LOC128462377: variants seen among roughly 807,000 people sequenced by gnomAD.
At chr16:89,377,663 G>C in the LOC128462377 span, among the ~76,000 whole-genome samples, 2 of 152,146 alleles carry the variant, frequency 1.3e-5, no homozygotes, top group Non-Finnish European at 2.9e-5. Context: ...CTCCTGCAGA[G>C]GGGAGGGGTT....
the LOC128462377 span, among the ~76,000 whole-genome samples, chr16:89,337,812 G>A: frequency 7.4e-4 from 113 of 152,210 alleles, no homozygotes; most frequent in African/African-American, 2.4e-3. Flanking sequence ...TGCCCAAGTC[G>A]CACGAGCAAG....
the LOC128462377 span, among the ~76,000 whole-genome samples, chr16:89,401,983 G>C: frequency 2.0e-5 from 3 of 147,256 alleles, no homozygotes; most frequent in Non-Finnish European, 3.0e-5. Flanking sequence ...CGGCCCTGCA[G>C]ACAGCTTGGT....
the LOC128462377 span, among the ~76,000 whole-genome samples, chr16:89,415,829 CAAAAAAAAA>C: frequency 3.3e-4 from 13 of 39,742 alleles, no homozygotes; most frequent in Non-Finnish European, 5.2e-4. Context: ...GACTCTGTCT[CAAAAAAAAA>C]AAAAAAAAAA....
At chr16:89,378,215 G>GTA in the LOC128462377 span, among the ~76,000 whole-genome samples, 1 of 152,146 alleles carries the variant, frequency 6.6e-6, no homozygotes, top group Admixed American at 6.6e-5. Context: ...AAAGTGCTTT[G>GTA]TATATGTCAG....
At chr16:89,375,151 G>A in the LOC128462377 span, among the ~76,000 whole-genome samples, 7 of 152,180 alleles carry the variant, frequency 4.6e-5, no homozygotes, top group South Asian at 1.5e-3. Context: ...CACACTGCAC[G>A]CTGTAATGAT....
At chr16:89,396,033 G>C in the LOC128462377 span, 1 of 152,220 alleles carries the variant, frequency 6.6e-6, no homozygotes. Flanking sequence ...AACTCTGGTT[G>C]TTCGGACATG....
At chr16:89,394,831 T>C in the LOC128462377 span, among the ~76,000 whole-genome samples, 1 of 152,146 alleles carries the variant, frequency 6.6e-6, no homozygotes, top group Non-Finnish European at 1.5e-5. Context: ...TATTGAGTTA[T>C]TTTTCAAACG....
At chr16:89,346,248 A>T in the LOC128462377 span, among the ~76,000 whole-genome samples, 1 of 103,404 alleles carries the variant, frequency 9.7e-6, no homozygotes, top group Admixed American at 9.3e-5. Flanking sequence ...ACCCCGTCTC[A>T]GGAAAAAAAA....
the LOC128462377 span, among the ~76,000 whole-genome samples, chr16:89,406,086 G>A: frequency 6.7e-6 from 1 of 149,046 alleles, no homozygotes; most frequent in South Asian, 2.1e-4. Context: ...CTCCAGCCTG[G>A]GTGACAAAGG....
At chr16:89,366,040 T>A in the LOC128462377 span, among the ~76,000 whole-genome samples, 1 of 150,340 alleles carries the variant, frequency 6.7e-6, no homozygotes, top group Non-Finnish European at 1.5e-5. Context: ...AGACATGATC[T>A]GATCACTTGA....
chr16:89,361,573 G>A, the LOC128462377 span: 1 of 152,250 alleles, frequency 6.6e-6, no homozygotes, highest in Non-Finnish European at 1.5e-5. Context: ...CGCATCACCA[G>A]AAGGCTCTGC....
At chr16:89,355,867 T>C in the LOC128462377 span, among the ~76,000 whole-genome samples, 12 of 151,834 alleles carry the variant, frequency 7.9e-5, no homozygotes, top group East Asian at 2.1e-3. Context: ...GAGTGACCGA[T>C]GAGATAAACA....
the LOC128462377 span, among the ~76,000 whole-genome samples, chr16:89,363,753 C>G: frequency 2.0e-5 from 3 of 152,160 alleles, no homozygotes; most frequent in African/African-American, 4.8e-5. Flanking sequence ...CCTGCAGGTT[C>G]CAGTCAGGAA....
the LOC128462377 span, among the ~76,000 whole-genome samples, chr16:89,391,010 C>T: frequency 3.9e-5 from 6 of 152,000 alleles, no homozygotes; most frequent in East Asian, 1.9e-4. Flanking sequence ...GGGTGGATCA[C>T]GAGGTCAGGA....
the LOC128462377 span, among the ~76,000 whole-genome samples, chr16:89,370,001 G>GC: frequency 6.6e-6 from 1 of 152,168 alleles, no homozygotes; most frequent in African/African-American, 2.4e-5. Context: ...TGGGGGCCTG[G>GC]CCCCTTCAGG....
At chr16:89,375,474 T>C in the LOC128462377 span, among the ~76,000 whole-genome samples, 1 of 152,064 alleles carries the variant, frequency 6.6e-6, no homozygotes, top group East Asian at 1.9e-4. Context: ...CTTTTTTTTT[T>C]TGGAGATGGA....
At chr16:89,413,952 C>T in the LOC128462377 span, among the ~76,000 whole-genome samples, 5 of 152,156 alleles carry the variant, frequency 3.3e-5, no homozygotes, top group Non-Finnish European at 7.4e-5. Context: ...CAGACAGGGA[C>T]CCCAGCACAG....
chr16:89,392,051 C>G, the LOC128462377 span, among the ~76,000 whole-genome samples: 685 of 152,200 alleles, frequency 4.5e-3, 6 homozygotes, highest in African/African-American at 0.015. Flanking sequence ...GCCTTTGCCT[C>G]TTTTAAAAAG....
the LOC128462377 span, among the ~76,000 whole-genome samples, chr16:89,391,111 C>A: frequency 1.3e-5 from 2 of 151,638 alleles, no homozygotes; most frequent in Admixed American, 1.3e-4. Flanking sequence ...GCCTGTAGTC[C>A]CAGCTACTCG....
Sources: gnomAD v4.1 joint callset for allele counts (sites outside exome capture counted in the v4.1 genomes callset) on GRCh38, gnomAD v4.1.1 for gene constraint, MANE v1.5 for transcripts.